TOM1L2: variants seen among roughly 807,000 people sequenced by gnomAD.
TOM1L2 encodes TOM1-like protein 2.
TOM1L2 carries 31 observed loss-of-function variants against 67.9 expected under a neutral mutation model. That is an observed-to-expected ratio of 0.46 (90% CI 0.34 to 0.62). TOM1L2 has a LOEUF of 0.62. Ranked by LOEUF, TOM1L2 falls within the 20% of genes least tolerant of loss-of-function variation. The pLI is 0.01. For missense variants in TOM1L2, 606 were observed against 663.5 expected (o/e 0.91, Z 0.95); for synonymous variants, 256 against 254.0 (o/e 1.01, Z -0.07).
At chr17:17,938,360 T>C (rs1167036600) in intron 1 of TOM1L2, among the ~76,000 whole-genome samples, 1 of 152,224 alleles carries the variant, frequency 6.6e-6, no homozygotes, top group Non-Finnish European at 1.5e-5. Flanking sequence ...GAGCTCCTTC[T>C]ACCTCTTAGA....
intron 7 of TOM1L2, among the ~76,000 whole-genome samples, chr17:17,875,746 T>A (rs1055363468): frequency 6.6e-6 from 1 of 152,238 alleles, no homozygotes; most frequent in African/African-American, 2.4e-5. Flanking sequence ...CTTTTAATCA[T>A]CTTTATGGAT....
chr17:17,867,063 T>C (rs1336059518), intron 8 of TOM1L2, 139 bp from the exon 9 acceptor site: 15 of 765,886 alleles, frequency 2.0e-5, no homozygotes, highest in Middle Eastern at 3.4e-4. Context: ...TGAAACCATA[T>C]ATCAACTCTG....
At chr17:17,880,116 T>C (rs1021116953) in intron 6 of TOM1L2, among the ~76,000 whole-genome samples, 1 of 152,170 alleles carries the variant, frequency 6.6e-6, no homozygotes, top group African/African-American at 2.4e-5. Context: ...CTCTTTAAAA[T>C]CCAAGTGCAG....
chr17:17,878,199 G>A (rs2037522827), intron 7 of TOM1L2, among the ~76,000 whole-genome samples: 1 of 152,248 alleles, frequency 6.6e-6, no homozygotes, highest in African/African-American at 2.4e-5. Flanking sequence ...CAGGTCCCCT[G>A]GAGTGTGGCA....
chr17:17,907,891 G>C (rs958157960), intron 1 of TOM1L2, among the ~76,000 whole-genome samples: 1 of 152,062 alleles, frequency 6.6e-6, no homozygotes, highest in Admixed American at 6.5e-5. Flanking sequence ...TGTGGTCTTG[G>C]GTAAATTACT....
intron 1 of TOM1L2, among the ~76,000 whole-genome samples, chr17:17,935,933 G>C (rs2040498419): frequency 6.6e-6 from 1 of 152,222 alleles, no homozygotes; most frequent in Admixed American, 6.5e-5. Flanking sequence ...TGGTCTCCCA[G>C]AAGGGAGGTC....
rs2036628405 is a variant in TOM1L2 at position 17,862,748 on chromosome 17, C to A, written c.1185G>T (p.Leu395Phe). The A allele has an allele frequency of 6.2e-7, 1 of 1,613,508 alleles. No individual in the cohort carries two copies. Among genetic ancestry groups the A allele is most frequent in the African/African-American group, 1.3e-5 (1 of 74,916 alleles). Residue 395 changes from leucine to phenylalanine, a missense_variant, in exon 11 of 15, where the codon TTG (leucine) becomes TTT (phenylalanine). This residue lies in a region of TOM1L2 where 543 missense variants were observed against 554.0 expected (regional missense o/e 0.98). Coordinates refer to ENST00000379504, the MANE Select transcript of TOM1L2 (RefSeq NM_001082968.2). ...CCACATACGTCTTGCGCTGCTCAGCCAAGGAGTTTCCTCTCGTCTGGGCAA... is the reference window on the plus strand; with the variant it reads ...CCACATACGTCTTGCGCTGCTCAGCAAAGGAGTTTCCTCTCGTCTGGGCAA... ...DMFAQTRGNS[L>F]AEQRKTVTYE...
intron 6 of TOM1L2, among the ~76,000 whole-genome samples, chr17:17,881,104 G>A (rs984814855): frequency 2.0e-5 from 3 of 152,218 alleles, no homozygotes; most frequent in Admixed American, 1.3e-4. Flanking sequence ...CCTCAGCACA[G>A]AGACAGGGAC....
chr17:17,913,014 T>C (rs1458575320), intron 1 of TOM1L2, among the ~76,000 whole-genome samples: 1 of 151,850 alleles, frequency 6.6e-6, no homozygotes, highest in Non-Finnish European at 1.5e-5. Flanking sequence ...CGAAACCCCG[T>C]CTCCACCAAA....
chr17:17,866,509 A>G (rs2036858269), intron 9 of TOM1L2, 90 bp from the exon 10 acceptor site: 1 of 1,450,022 alleles, frequency 6.9e-7, no homozygotes, highest in Admixed American at 2.7e-5. Flanking sequence ...CAGGGTTCCA[A>G]GAAGAAAAGT....
At chr17:17,893,545 A>T (rs1568188553) in intron 4 of TOM1L2, 116 bp downstream of exon 4, 5 of 1,024,920 alleles carry the variant, frequency 4.9e-6, no homozygotes, top group Non-Finnish European at 7.0e-6. Flanking sequence ...CAAATATTTT[A>T]AATGTAGAAG....
chr17:17,907,390 C>G, intron 2 of TOM1L2, 57 bp downstream of exon 2: 1 of 1,549,224 alleles, frequency 6.5e-7, no homozygotes, highest in East Asian at 2.2e-5. Flanking sequence ...CCCTGACAAG[C>G]TTTGAGTGGC....
chr17:17,899,049 T>A lies in TOM1L2; in HGVS notation c.138-375A>T, dbSNP rs567245428. ...GGAAGAGACTCTCTAGAAAGAGCTA[T>A]AACAACCTGGTAACTGTGGCTGCCC... On this transcript the variant is annotated intron_variant, in intron 2 of 14. Transcript: ENST00000379504. Among the ~76,000 whole-genome samples, 10 of 152,340 alleles carry A rather than the reference T, an allele frequency of 6.6e-5. No homozygotes were observed. The South Asian group carries it at 1.9e-3, about 28-fold the overall frequency.
intron 12 of TOM1L2, chr17:17,859,945 AG>A (rs2036463407): frequency 6.6e-6 from 1 of 152,322 alleles, no homozygotes; most frequent in Non-Finnish European, 1.5e-5. Context: ...CTTTGAAAAC[AG>A]GGAGCTAGTC....
At chr17:17,867,238 C>T (rs1254075999) in intron 8 of TOM1L2, among the ~76,000 whole-genome samples, 1 of 146,828 alleles carries the variant, frequency 6.8e-6, no homozygotes, top group Non-Finnish European at 1.5e-5. Context: ...GTGGCTTAAC[C>T]ACCTTACCTT....
rs144889402 is a variant in TOM1L2 at position 17,918,433 on chromosome 17, G to A, written c.53-10902C>T. 1.9e-3 allele frequency among the ~76,000 whole-genome samples: 294 copies of A among 152,104 alleles called. 1 individual carries two copies. Among genetic ancestry groups the A allele is most frequent in the African/African-American group, 6.9e-3 (285 of 41,474 alleles). On this transcript the variant is annotated intron_variant, in intron 1 of 14. Transcript: ENST00000379504. ...AATAGAAGTGGTGAAAGGCAGCATC[G>A]TTGCGCCTATATATATTTTTACAAA... is the stretch of plus-strand genomic sequence containing the variant.
At chr17:17,926,774 C>G (rs1395329754) in intron 1 of TOM1L2, among the ~76,000 whole-genome samples, 2 of 152,030 alleles carry the variant, frequency 1.3e-5, no homozygotes, top group Non-Finnish European at 2.9e-5. Flanking sequence ...ACAAGAATCG[C>G]TTGAACCTGG....
In TOM1L2 at chr17:17,847,656, C is replaced by A. The variant is rs1419348668; in HGVS notation, c.1503G>T (p.Glu501Asp). 10 of 1,613,018 alleles carry A rather than the reference C, an allele frequency of 6.2e-6. No homozygotes were observed. The highest frequency in any genetic ancestry group is 7.6e-6 in the Non-Finnish European group (9 of 1,179,494). The change falls in exon 15 of 15, where the codon GAG (glutamate) becomes GAT (aspartate). Residue 501 changes from glutamate to aspartate, a missense_variant. Coordinates refer to ENST00000379504, the MANE Select transcript of TOM1L2 (RefSeq NM_001082968.2). Reference sequence around the variant, plus strand: ...CTGCTCACAGGGCGAAGAGGGCATCCTCTGACCGCTCTGGCTTCTTCCGGC... The same window carrying A: ...CTGCTCACAGGGCGAAGAGGGCATCATCTGACCGCTCTGGCTTCTTCCGGC... ...PSGRKKPERS[E>D]DALFAL
intron 1 of TOM1L2, among the ~76,000 whole-genome samples, chr17:17,943,826 C>T (rs1427178915): frequency 6.6e-6 from 1 of 152,222 alleles, no homozygotes; most frequent in African/African-American, 2.4e-5. Flanking sequence ...ACTTCCACTT[C>T]CTACCCCTTG....
Sources: allele counts gnomAD v4.1 joint callset (sites outside exome capture counted in the v4.1 genomes callset), GRCh38; gene constraint gnomAD v4.1.1; regional missense constraint gnomAD v4.1.1; transcripts MANE v1.5; gene names NCBI Gene and HGNC (gene_info 2026-07-23, HGNC 2026-07-21).